Variants in RPS12 observed in about 807,000 individuals in gnomAD.
The protein encoded by RPS12 is small ribosomal subunit protein eS12.
Under a neutral mutation model 17.2 loss-of-function variants are expected in RPS12, and 1 was observed. The observed-to-expected ratio is 0.06, with a 90% CI of 0.02 to 0.28. The LOEUF is 0.28. Among genes scored for constraint, RPS12 ranks in the 10% least tolerant of loss-of-function variants. The probability of loss-of-function intolerance (pLI) is 1.00; values close to 1 mark genes in which losing one functional copy is unlikely to be tolerated. For synonymous variants in RPS12, 67 were observed against 54.0 expected, an observed-to-expected ratio of 1.24 and a Z score of -1.06; for missense variants, 146 against 162.1, an observed-to-expected ratio of 0.90 and a Z score of 0.54.
intron 2 of RPS12, 88 bp downstream of exon 2, chr6:132,814,870 G>A: frequency 2.1e-6 from 3 of 1,453,668 alleles, no homozygotes; most frequent in African/African-American, 1.4e-5. Flanking sequence ...GGGTCAAACG[G>A]GTCGCCGTAA....
chr6:132,815,291 C>T (rs368850589), intron 3 of RPS12: 1 of 738,194 alleles, frequency 1.4e-6, no homozygotes, highest in South Asian at 1.4e-5. Context: ...TGGGGATAAG[C>T]ACTCAAAACT....
chr6:132,815,065 C>T lies in RPS12; in HGVS notation c.108C>T (p.Arg36=), dbSNP rs745385471. The change falls in exon 3 of 6, where the codon CGC becomes CGT. Residue 36 remains arginine (R), a synonymous_variant. Coordinates refer to ENST00000230050, the MANE Select transcript of RPS12 (RefSeq NM_001016.4). ...ACGATGGCCTAGCACGTGGAATTCG[C>T]GAAGCTGCCAAAGCCTTAGACAAGT... ...LIHDGLARGI[R]EAAKALDKRQ... is the part of the protein sequence containing the mutation. 1.8e-5 allele frequency: 29 copies of T among 1,612,214 alleles called. No individual in the cohort carries two copies. The South Asian group carries it at 3.2e-4, about 18-fold the overall frequency.
In RPS12 at chr6:132,814,921, CT is replaced by C. The variant is rs1782009246; in HGVS notation, c.15-49del. The C allele has an allele frequency of 4.9e-6, 7 of 1,430,488 alleles. No individual in the cohort carries two copies. In the East Asian group the frequency reaches 1.6e-4, roughly 33 times the overall value. 88.6% of individuals were successfully genotyped at this position (1,430,488 alleles called of 1,614,324 possible). On this transcript the variant is annotated intron_variant, in intron 2 of 5. Coordinates refer to ENST00000230050, the MANE Select transcript of RPS12 (RefSeq NM_001016.4). ...ACTTAGCTTTTGCTGAGTGCAAGGC[CT>C]TATGTGGTGTGAGGATTTTAACTGA...
intron 3 of RPS12, chr6:132,815,546 G>A (rs1562280332): frequency 4.6e-6 from 2 of 434,092 alleles, no homozygotes; most frequent in East Asian, 7.1e-5. Context: ...TAATAGCTGT[G>A]ATTTATTTGA....
intron 3 of RPS12, 183 bp downstream of exon 3, chr6:132,815,271 C>T (rs74627356): frequency 1.3e-6 from 1 of 746,492 alleles, no homozygotes; most frequent in South Asian, 1.4e-5. Context: ...GTGTGGGTTG[C>T]TGTTTGGAAT....
chr6:132,815,797 C>T (rs928022845), intron 3 of RPS12: 9 of 455,110 alleles, frequency 2.0e-5, no homozygotes, highest in Admixed American at 7.1e-5. Flanking sequence ...TATTGCATGG[C>T]ATTTCATAAC....
chr6:132,814,898 T>G, intron 2 of RPS12, 74 bp from the exon 3 acceptor site: 1 of 1,413,064 alleles, frequency 7.1e-7, no homozygotes, highest in Non-Finnish European at 1.0e-6. Flanking sequence ...TGTTGTACAC[T>G]TAGCTTTTGC....
intron 3 of RPS12, chr6:132,815,767 C>T (rs79634086): frequency 0.044 from 19,812 of 455,190 alleles, 588 homozygotes; most frequent in South Asian, 0.08. Context: ...TATGAGTCTT[C>T]TGTATTTCTA....
At chr6:132,815,649 T>G in intron 3 of RPS12, 1 of 456,750 alleles carries the variant, frequency 2.2e-6, no homozygotes, top group Non-Finnish European at 4.4e-6. Context: ...TTGAGCTGAA[T>G]TTAAATGCAG....
chr6:132,816,928 ATTTTT>A (rs34924584), intron 4 of RPS12, 27 bp from the exon 5 acceptor site: 76 of 1,224,314 alleles, frequency 6.2e-5, no homozygotes, highest in Non-Finnish European at 7.7e-5. Context: ...TATTAATGTG[ATTTTT>A]TTTTTTTTTA....
At position 132,814,995 on chromosome 6, in the gene RPS12, A is replaced by T. The variant is rs148631804; in HGVS notation, c.38A>T (p.Asp13Val). The T allele has an allele frequency of 6.2e-7, 1 of 1,612,764 alleles. No individual in the cohort carries two copies. Among genetic ancestry groups the T allele is most frequent in the African/African-American group, 1.3e-5 (1 of 74,866 alleles). The change falls in exon 3 of 6, where the codon GAC becomes GTC. Residue 13 changes from aspartate to valine, a missense_variant. By Grantham distance (152) the Asp-to-Val change is radical. This residue lies in a region of RPS12 where 117 missense variants were observed against 104.6 expected (regional missense o/e 1.12). Transcript: ENST00000230050. Reference sequence around the variant, plus strand: ...AGCATTGCTGCTGGAGGTGTAATGGACGTTAATACTGCTTTACAAGAGGTT... The same window carrying T: ...AGCATTGCTGCTGGAGGTGTAATGGTCGTTAATACTGCTTTACAAGAGGTT... The part of the protein sequence containing the change: ...EEGIAAGGVM[D>V]VNTALQEVLK...
intron 4 of RPS12, 166 bp downstream of exon 4, chr6:132,816,729 C>G (rs1212101005): frequency 1.3e-5 from 10 of 769,918 alleles, no homozygotes; most frequent in Non-Finnish European, 2.4e-5. Context: ...CATTTTATAC[C>G]TGCAGAATTG....
At chr6:132,814,652 A>T in intron 1 of RPS12, 39 bp downstream of exon 1, 1 of 1,222,202 alleles carries the variant, frequency 8.2e-7, no homozygotes, top group Non-Finnish European at 1.2e-6. Context: ...TATTGGTTAT[A>T]ATTTGTGGCT....
chr6:132,816,604 A>T (rs1250155035), intron 4 of RPS12, 41 bp downstream of exon 4: 1 of 1,289,018 alleles, frequency 7.8e-7, no homozygotes. Context: ...ATGTTCAGTG[A>T]TGCTTGTATA....
Position 132,816,551 on chromosome 6 carries a change from C to T in RPS12, c.222C>T (p.Ile74=). The T allele has an allele frequency of 1.3e-6, 2 of 1,594,936 alleles. No individual in the cohort carries two copies. The highest frequency in any genetic ancestry group is 2.2e-5 in the South Asian group (2 of 90,970). The change falls in exon 4 of 6, where the codon ATC becomes ATT. Residue 74 remains isoleucine, a synonymous_variant. Transcript: ENST00000230050. ...LVEALCAEHQ[I]NLIKVDDNKK... ...AGGCCCTTTGTGCTGAACACCAAATCAACCTAATTAAGGTAAGGCTGCTAA... is the reference window on the plus strand; with the variant it reads ...AGGCCCTTTGTGCTGAACACCAAATTAACCTAATTAAGGTAAGGCTGCTAA...
At chr6:132,814,655 T>A (rs936853596) in intron 1 of RPS12, 42 bp downstream of exon 1, 6 of 1,231,966 alleles carry the variant, frequency 4.9e-6, no homozygotes, top group Non-Finnish European at 7.1e-6. Flanking sequence ...TGGTTATAAT[T>A]TGTGGCTCGT....
In RPS12 at chr6:132,814,594, C is replaced by G. The variant is rs548057303; in HGVS notation, c.-57C>G. ...CTCTTTCCCTGCCGCCGCCGAGTCG[C>G]GCGGAGGCGGAGGCTTGGGGTAAGT... On this transcript the variant is annotated 5_prime_UTR_variant, in exon 1 of 6. Transcript: ENST00000230050. The G allele has an allele frequency of 6.2e-6, 5 of 812,110 alleles. No homozygotes were observed. Among genetic ancestry groups the G allele is most frequent in the Non-Finnish European group, 1.0e-5 (5 of 476,916 alleles). The allele number at this position is 812,110 out of a possible 1,614,324, so 50.3% of individuals were successfully genotyped here.
intron 3 of RPS12, chr6:132,815,459 T>C: frequency 2.2e-6 from 1 of 461,752 alleles, no homozygotes; most frequent in Non-Finnish European, 4.3e-6. Context: ...TCTGGTAGTT[T>C]GCAAAACAAG....
Position 132,814,764 on chromosome 6 carries a change from C to T in RPS12, c.-5C>T, listed in dbSNP as rs771799155. ...AAGATTCAACTTCACCCGTAACCCA[C>T]CGCCATGGCCGAGGAAGGGTGAGCC... On this transcript the variant is annotated 5_prime_UTR_variant, in exon 2 of 6. Coordinates refer to ENST00000230050, the MANE Select transcript of RPS12 (RefSeq NM_001016.4). The T allele has an allele frequency of 7.4e-6, 12 of 1,613,448 alleles. No individual in the cohort carries two copies. Among genetic ancestry groups the T allele is most frequent in the African/African-American group, 6.7e-5 (5 of 74,884 alleles).
Sources: gnomAD v4.1 joint callset for allele counts on GRCh38, gnomAD v4.1.1 for gene constraint, gnomAD v4.1.1 regional missense constraint, MANE v1.5 for transcripts, NCBI Gene and HGNC (gene_info 2026-07-23, HGNC 2026-07-21) for gene names.